The following PCDHA10 variants were observed in gnomAD, a reference collection of about 807,000 sequenced individuals.
PCDHA10 encodes the protein protocadherin alpha-10.
Under a neutral mutation model 61.2 loss-of-function variants are expected in PCDHA10, and 45 were observed. That is an observed-to-expected ratio of 0.74 (90% CI 0.58 to 0.94). The LOEUF (loss-of-function observed/expected upper bound fraction) is 0.94, where lower values mean the gene tolerates loss of function less well. Ranked by LOEUF, PCDHA10 falls within the 40% of genes least tolerant of loss-of-function variation. The pLI, the probability that PCDHA10 is intolerant of heterozygous loss-of-function variation, is 0.00. For synonymous variants in PCDHA10, 602 were observed against 548.8 expected (o/e 1.10, Z -1.35); for missense variants, 1,278 against 1,236.2 (o/e 1.03, Z -0.51).
intron 1 of PCDHA10, among the ~76,000 whole-genome samples, chr5:140,941,270 T>C (rs1437273239): frequency 1.2e-4 from 17 of 136,774 alleles, no homozygotes; most frequent in Admixed American, 2.3e-4. Flanking sequence ...TCTTTCTTTC[T>C]TTCCTTCCTT....
intron 1 of PCDHA10, among the ~76,000 whole-genome samples, chr5:140,977,768 A>G (rs1264929933): frequency 1.3e-5 from 2 of 152,218 alleles, no homozygotes; most frequent in Non-Finnish European, 1.5e-5. Context: ...AATACTTTGC[A>G]TCCCTTAAAG....
chr5:140,955,036 T>C (rs2095128891), intron 1 of PCDHA10, among the ~76,000 whole-genome samples: 1 of 152,210 alleles, frequency 6.6e-6, no homozygotes, highest in Non-Finnish European at 1.5e-5. Context: ...AGGGAATCTT[T>C]TCCTCATTGC....
At chr5:140,904,236 T>G (rs1326424532) in intron 1 of PCDHA10, among the ~76,000 whole-genome samples, 2 of 151,966 alleles carry the variant, frequency 1.3e-5, no homozygotes, top group Non-Finnish European at 2.9e-5. Flanking sequence ...ACTTATGCCT[T>G]TGCATCCTCA....
intron 1 of PCDHA10, chr5:140,877,829 C>T (rs1554170159): frequency 1.9e-6 from 3 of 1,594,494 alleles, no homozygotes; most frequent in Non-Finnish European, 2.6e-6. Context: ...TGTTTAAATC[C>T]TCCCAGTGAA....
chr5:140,959,592 G>A (rs2095498598), intron 1 of PCDHA10, among the ~76,000 whole-genome samples: 2 of 152,162 alleles, frequency 1.3e-5, no homozygotes, highest in South Asian at 4.1e-4. Flanking sequence ...TATCAGCCAA[G>A]TATAACATGC....
At chr5:140,883,719 C>T in intron 1 of PCDHA10, 1 of 1,613,598 alleles carries the variant, frequency 6.2e-7, no homozygotes, top group Non-Finnish European at 8.5e-7. Context: ...GACGCGGACG[C>T]ACAGGAGAAC....
At chr5:140,863,101 C>T in intron 1 of PCDHA10, 1 of 580,234 alleles carries the variant, frequency 1.7e-6, no homozygotes, top group Non-Finnish European at 3.4e-6. Flanking sequence ...GACGAGTACC[C>T]TGGACGAGGC....
At chr5:141,000,405 A>ATG (rs2097918195) in intron 3 of PCDHA10, among the ~76,000 whole-genome samples, 3 of 88,878 alleles carry the variant, frequency 3.4e-5, no homozygotes, top group African/African-American at 1.4e-4. Flanking sequence ...CTATATATAT[A>ATG]TATATATATA....
chr5:140,884,051 C>T (rs782045843), intron 1 of PCDHA10: 4 of 1,613,308 alleles, frequency 2.5e-6, no homozygotes, highest in Non-Finnish European at 2.5e-6. Context: ...GGCGAAGGTG[C>T]GCGCGGTGGA....
chr5:140,951,707 G>A (rs1162162711), intron 1 of PCDHA10, among the ~76,000 whole-genome samples: 6 of 152,076 alleles, frequency 3.9e-5, no homozygotes, highest in African/African-American at 1.4e-4. Flanking sequence ...TTTGGGCGGG[G>A]ACACAGATCC....
At chr5:140,899,781 T>C (rs1187719719) in intron 1 of PCDHA10, among the ~76,000 whole-genome samples, 1 of 152,218 alleles carries the variant, frequency 6.6e-6, no homozygotes, top group Non-Finnish European at 1.5e-5. Context: ...TTACCTCTGG[T>C]ATAATTCGGC....
chr5:140,895,309 C>A (rs1327911944), intron 1 of PCDHA10, among the ~76,000 whole-genome samples: 1 of 152,124 alleles, frequency 6.6e-6, no homozygotes, highest in African/African-American at 2.4e-5. Context: ...CCCCCTTCCA[C>A]CCATGACTAT....
chr5:140,982,120 T>C (rs1554243763), intron 2 of PCDHA10, among the ~76,000 whole-genome samples: 1 of 152,256 alleles, frequency 6.6e-6, no homozygotes, highest in Non-Finnish European at 1.5e-5. Context: ...CTTGGAACTT[T>C]TGAGAACAAG....
At chr5:140,968,467 A>T in intron 1 of PCDHA10, 1 of 1,614,124 alleles carries the variant, frequency 6.2e-7, no homozygotes, top group East Asian at 2.2e-5. Flanking sequence ...CTGCCAACGT[A>T]TATGTGGTGG....
intron 1 of PCDHA10, among the ~76,000 whole-genome samples, chr5:140,874,942 C>T (rs2055181968): frequency 6.6e-6 from 1 of 152,060 alleles, no homozygotes; most frequent in African/African-American, 2.4e-5. Context: ...ATTGAAACAG[C>T]GGAATTGTAA....
chr5:140,966,714 G>C, intron 1 of PCDHA10: 1 of 1,394,064 alleles, frequency 7.2e-7, no homozygotes, highest in South Asian at 1.6e-5. Flanking sequence ...GGCACGGCTG[G>C]GGAAGCTGCC....
intron 2 of PCDHA10, chr5:140,982,224 A>C: frequency 1.7e-6 from 1 of 587,320 alleles, no homozygotes; most frequent in South Asian, 3.8e-5. Flanking sequence ...TGGCGTTAAT[A>C]AAAAACAGAA....
At position 140,877,378 on chromosome 5, in the gene PCDHA10, A is replaced by G; in HGVS notation, c.2388+18942A>G. 2 of 1,613,974 alleles carry G rather than the reference A, an allele frequency of 1.2e-6. No individual in the cohort carries two copies. Among genetic ancestry groups the G allele is most frequent in the South Asian group, 1.1e-5 (1 of 91,086 alleles). On this transcript the variant is annotated intron_variant, in intron 1 of 3. Transcript: ENST00000307360. ...CACTGGCGAGATCAGCACGACACGC[A>G]TCCTGGATGAGGCGGACGCTCCGCG...
chr5:140,914,758 C>T (rs1435498037), intron 1 of PCDHA10, among the ~76,000 whole-genome samples: 3 of 151,912 alleles, frequency 2.0e-5, no homozygotes, highest in Non-Finnish European at 4.4e-5. Context: ...TTTGAGGTTA[C>T]ATGAGGTTTA....
Sources: allele counts gnomAD v4.1 joint callset (sites outside exome capture counted in the v4.1 genomes callset), GRCh38; gene constraint gnomAD v4.1.1; transcripts MANE v1.5; gene names NCBI Gene and HGNC (gene_info 2026-07-23, HGNC 2026-07-21).